ITFG2: variants seen among roughly 807,000 people sequenced by gnomAD.
ITFG2 encodes KICSTOR complex protein ITFG2.
Under a neutral mutation model 54.4 loss-of-function variants are expected in ITFG2, and 36 were observed. The ratio of observed to expected loss-of-function variants is 0.66; its 90% confidence interval spans 0.51 to 0.87. The LOEUF (loss-of-function observed/expected upper bound fraction) is 0.87, where lower values mean the gene tolerates loss of function less well. Among genes scored for constraint, ITFG2 ranks in the 40% least tolerant of loss-of-function variants. The pLI, the probability that ITFG2 is intolerant of heterozygous loss-of-function variation, is 0.00. For missense variants in ITFG2, 524 were observed against 576.7 expected (o/e 0.91, Z 0.94); for synonymous variants, 211 against 225.4 (o/e 0.94, Z 0.57).
intron 3 of ITFG2, chr12:2,859,095 G>T: frequency 6.2e-7 from 1 of 1,606,290 alleles, no homozygotes. Flanking sequence ...AGATTTGCTC[G>T]GGGTGGAGGA....
intron 2 of ITFG2, chr12:2,857,623 C>G (rs1379266816): frequency 2.6e-5 from 4 of 154,286 alleles, no homozygotes; most frequent in East Asian, 1.9e-4. Context: ...CACCCTCTTT[C>G]TTTTCCAGCC....
At chr12:2,829,328 C>T (rs1282777330), downstream of ITFG2, among the ~76,000 whole-genome samples, 1 of 152,230 alleles carries the variant, frequency 6.6e-6, no homozygotes, top group African/African-American at 2.4e-5. Flanking sequence ...TGGATATACA[C>T]ACACATCGTT....
intron 2 of ITFG2, among the ~76,000 whole-genome samples, chr12:2,853,776 T>C (rs1189918800): frequency 1.3e-5 from 2 of 152,090 alleles, no homozygotes; most frequent in Non-Finnish European, 2.9e-5. Context: ...GAAGCATCCG[T>C]GAGTTCCCAG....
At chr12:2,813,181 C>T (rs903076153) in intron 1 of ITFG2, among the ~76,000 whole-genome samples, 1 of 152,240 alleles carries the variant, frequency 6.6e-6, no homozygotes, top group South Asian at 2.1e-4. Flanking sequence ...GGATTACAGG[C>T]GCCCGCCACC....
At chr12:2,813,014 T>C in intron 1 of ITFG2, 158 bp downstream of exon 1, 1 of 573,688 alleles carries the variant, frequency 1.7e-6, no homozygotes, top group Non-Finnish European at 3.1e-6. Context: ...AGCTTCAGTG[T>C]TCGTGGTTGG....
Position 2,820,791 on chromosome 12 carries a change from G to T in ITFG2, c.614G>T (p.Cys205Phe). The change falls in exon 6 of 12, where the codon TGT becomes TTT. Residue 205 changes from cysteine (C) to phenylalanine (F), a missense_variant. Physicochemically the swap from Cys to Phe is radical, Grantham distance 205. Transcript: ENST00000228799. Reference protein sequence around the residue: ...LPELMVSQPGCAYAILLCTWK... With the variant: ...LPELMVSQPGFAYAILLCTWK... ...GAACTGATGGTGTCTCAGCCAGGTT[G>T]TGCGTATGCAATTCTACTGTGTACC... 1.2e-6 allele frequency: 2 copies of T among 1,614,106 alleles called. No individual in the cohort carries two copies. The highest frequency in any genetic ancestry group is 8.5e-7 in the Non-Finnish European group (1 of 1,179,986).
chr12:2,819,934 A>G, intron 4 of ITFG2, 152 bp from the exon 5 acceptor site: 1 of 946,836 alleles, frequency 1.1e-6, no homozygotes, highest in Non-Finnish European at 1.5e-6. Context: ...AGATGCCGCA[A>G]ACACAGGCAG....
At chr12:2,850,503 C>G (rs184028779) in intron 2 of ITFG2, among the ~76,000 whole-genome samples, 2 of 151,152 alleles carry the variant, frequency 1.3e-5, no homozygotes, top group African/African-American at 4.9e-5. Flanking sequence ...AAATGGGGCC[C>G]CAGGTCATGA....
At chr12:2,827,401 C>A (rs1308783609), downstream of ITFG2, 5 of 1,522,952 alleles carry the variant, frequency 3.3e-6, no homozygotes, top group Admixed American at 1.2e-4. The surrounding 1 kb of genome is among the most constrained non-coding windows in gnomAD (Gnocchi z 4.0). Flanking sequence ...CTTCCACCTG[C>A]CTTTTGCTCT....
At chr12:2,828,082 G>A (rs2097978395), downstream of ITFG2, 10 of 1,563,190 alleles carry the variant, frequency 6.4e-6, no homozygotes, top group Non-Finnish European at 8.8e-6. Context: ...GGCTACCACA[G>A]CCCCTAGAGG....
intron 2 of ITFG2, among the ~76,000 whole-genome samples, chr12:2,852,213 G>T (rs566265005): frequency 1.3e-5 from 2 of 152,246 alleles, no homozygotes; most frequent in East Asian, 3.9e-4. Context: ...TGGTTCCAGG[G>T]CCTGGGCCTA....
intron 1 of ITFG2, among the ~76,000 whole-genome samples, chr12:2,838,397 A>G (rs1033492131): frequency 6.6e-6 from 1 of 152,164 alleles, no homozygotes; most frequent in Non-Finnish European, 1.5e-5. Context: ...GGCTGGCTCT[A>G]GGGAGCCAGC....
intron 1 of ITFG2, among the ~76,000 whole-genome samples, chr12:2,813,765 A>C (rs2097914942): frequency 6.6e-6 from 1 of 151,506 alleles, no homozygotes; most frequent in African/African-American, 2.4e-5. Flanking sequence ...CTTATTTCCC[A>C]CCGCCCCCTA....
chr12:2,856,050 C>T (rs768339647), intron 2 of ITFG2, among the ~76,000 whole-genome samples: 79 of 152,102 alleles, frequency 5.2e-4, no homozygotes, highest in Non-Finnish European at 8.2e-4. Flanking sequence ...ACCCTGCCCC[C>T]CATTAAATAA....
chr12:2,855,387 G>A (rs2098084172), intron 2 of ITFG2: 3 of 1,056,696 alleles, frequency 2.8e-6, no homozygotes, highest in Non-Finnish European at 3.8e-6. Context: ...CGCTGGGGAG[G>A]AAGAACTCAC....
At position 2,822,814 on chromosome 12, in the gene ITFG2, A is replaced by G; in HGVS notation, c.969A>G (p.Val323=). 6.2e-7 allele frequency: 1 copy of G among 1,614,040 alleles called. No homozygotes were observed. The highest frequency in any genetic ancestry group is 2.2e-5 in the East Asian group (1 of 44,882). The change falls in exon 10 of 12, where the codon GTA becomes GTG. Residue 323 remains valine, a synonymous_variant. Coordinates refer to ENST00000228799, the MANE Select transcript of ITFG2 (RefSeq NM_018463.4). ...LDVTGNGHEE[V]VACAWDGQTY... ...TTCAGGGCAACGGGCATGAGGAGGT[A>G]GTTGCATGCGCCTGGGATGGACAGA... is the stretch of plus-strand genomic sequence containing the variant.
intron 1 of ITFG2, among the ~76,000 whole-genome samples, chr12:2,839,925 T>C (rs937682428): frequency 3.3e-5 from 5 of 152,068 alleles, no homozygotes; most frequent in Non-Finnish European, 7.4e-5. Context: ...GACACGAAGA[T>C]GGGAACAACA....
At chr12:2,856,312 CTGCAACAAAAATG>C (rs1368068931) in intron 2 of ITFG2, among the ~76,000 whole-genome samples, 3 of 152,164 alleles carry the variant, frequency 2.0e-5, no homozygotes, top group Non-Finnish European at 4.4e-5. Flanking sequence ...CAGTGCCTGA[CTGCAACAAAAATG>C]TGCCTCTTTT....
chr12:2,827,015 G>A (rs956134151), downstream of ITFG2: 101 of 1,412,138 alleles, frequency 7.2e-5, no homozygotes, highest in African/African-American at 1.4e-3. The surrounding 1 kb of genome is among the most constrained non-coding windows in gnomAD (Gnocchi z 4.0). Context: ...CTCGTCCTGG[G>A]GAGTAGGACA....
Sources: allele counts gnomAD v4.1 joint callset (sites outside exome capture counted in the v4.1 genomes callset), GRCh38; gene constraint gnomAD v4.1.1; non-coding constraint Gnocchi (gnomAD v3.1); transcripts MANE v1.5; gene names NCBI Gene and HGNC (gene_info 2026-07-23, HGNC 2026-07-21).